SYNE1: variants seen among roughly 807,000 people sequenced by gnomAD.
SYNE1 encodes the protein nesprin-1.
In SYNE1, 616 loss-of-function variants were observed where a neutral mutation model predicts 1,111.0. The ratio of observed to expected loss-of-function variants is 0.55; its 90% CI spans 0.52 to 0.59. SYNE1 has a LOEUF of 0.59. Among genes scored for constraint, SYNE1 ranks in the 20% least tolerant of loss-of-function variants. The pLI is 0.00. For missense variants in SYNE1, 10,006 were observed against 10,417.0 expected, an observed-to-expected ratio of 0.96 and a Z score of 1.72; for synonymous variants, 3,855 against 3,825.8, an observed-to-expected ratio of 1.01 and a Z score of -0.28.
intron 14 of SYNE1, among the ~76,000 whole-genome samples, chr6:152,476,495 G>A (rs531941930): frequency 6.6e-6 from 1 of 152,066 alleles, no homozygotes; most frequent in African/African-American, 2.4e-5. Flanking sequence ...TGATGGAAAT[G>A]GTACCCTGGC....
At chr6:152,335,668 A>C (rs573740956) in intron 76 of SYNE1, 14 of 152,232 alleles carry the variant, frequency 9.2e-5, no homozygotes, top group African/African-American at 3.1e-4. Context: ...ACTTCCAATT[A>C]AGTTAATACA....
chr6:152,415,356 G>A (rs1359215717), intron 41 of SYNE1, among the ~76,000 whole-genome samples: 2 of 152,116 alleles, frequency 1.3e-5, no homozygotes, highest in Non-Finnish European at 2.9e-5. Context: ...ACAGTTAAAA[G>A]CAGTTGTAGA....
At chr6:152,528,859 G>A (rs141901050) in intron 4 of SYNE1, among the ~76,000 whole-genome samples, 129 of 152,278 alleles carry the variant, frequency 8.5e-4, no homozygotes, top group Middle Eastern at 6.8e-3. Flanking sequence ...TAATAAATAT[G>A]AATTACATTT....
At chr6:152,159,809 C>G (rs1563109731) in intron 131 of SYNE1, among the ~76,000 whole-genome samples, 1 of 152,094 alleles carries the variant, frequency 6.6e-6, no homozygotes, top group Non-Finnish European at 1.5e-5. Flanking sequence ...TTCTCTATTT[C>G]TAAGTAACAT....
intron 128 of SYNE1, among the ~76,000 whole-genome samples, chr6:152,180,687 AG>A (rs1419977451): frequency 1.3e-5 from 2 of 152,170 alleles, no homozygotes; most frequent in Admixed American, 6.5e-5. Flanking sequence ...GAAAGAAAAA[AG>A]GAATAGAAAG....
chr6:152,529,347 C>T (rs1294453612), intron 4 of SYNE1, among the ~76,000 whole-genome samples: 1 of 152,088 alleles, frequency 6.6e-6, no homozygotes, highest in African/African-American at 2.4e-5. Context: ...CTTAAATTTT[C>T]ATTTCATACT....
rs150983931 is a variant in SYNE1 at position 152,364,831 on chromosome 6, C to T, written c.10145+16G>A. Reference sequence around the variant, plus strand: ...TAGTAATAGCTTCCCCAGTGCTTGGCTGTAGTTTCCCTCACCTTTTACAAC... The same window carrying T: ...TAGTAATAGCTTCCCCAGTGCTTGGTTGTAGTTTCCCTCACCTTTTACAAC... On this transcript the variant is annotated intron_variant, in intron 63 of 145. Coordinates refer to ENST00000367255, the MANE Select transcript of SYNE1 (RefSeq NM_182961.4). 6.9e-4 allele frequency: 1,114 copies of T among 1,614,120 alleles called. 10 individuals are homozygous for T. The East Asian group carries it at 0.017, about 24-fold the overall frequency.
intron 53 of SYNE1, 92 bp from the exon 54 acceptor site, chr6:152,387,473 T>C: frequency 7.8e-7 from 1 of 1,287,686 alleles, no homozygotes; most frequent in Non-Finnish European, 1.1e-6. Context: ...TGCCAATTGT[T>C]TTATTGAATG....
At chr6:152,618,808 A>G (rs1220064369) in intron 3 of SYNE1, among the ~76,000 whole-genome samples, 1 of 152,208 alleles carries the variant, frequency 6.6e-6, no homozygotes, top group Non-Finnish European at 1.5e-5. Context: ...CTTCTTTGAG[A>G]TGTTTCCATG....
chr6:152,162,801 TTTGA>T (rs2062799938), intron 131 of SYNE1, among the ~76,000 whole-genome samples: 1 of 152,148 alleles, frequency 6.6e-6, no homozygotes, highest in African/African-American at 2.4e-5. Context: ...CCTCAGTTTG[TTTGA>T]TTATTACACT....
chr6:152,508,370 C>G (rs2099069035), intron 8 of SYNE1, among the ~76,000 whole-genome samples: 1 of 152,176 alleles, frequency 6.6e-6, no homozygotes, highest in Non-Finnish European at 1.5e-5. Flanking sequence ...AGTAAAACTT[C>G]CACTGATGTT....
chr6:152,248,437 T>C (rs143441921), intron 105 of SYNE1, among the ~76,000 whole-genome samples: 1 of 148,042 alleles, frequency 6.8e-6, no homozygotes, highest in African/African-American at 2.5e-5. Context: ...TAAAAATACA[T>C]ACACTTATGC....
At chr6:152,604,952 G>T (rs1342980250) in intron 3 of SYNE1, among the ~76,000 whole-genome samples, 12 of 14,808 alleles carry the variant, frequency 8.1e-4, no homozygotes, top group African/African-American at 2.7e-3. Context: ...CACAAAGAAA[G>T]AAAGAAAGAA....
chr6:152,356,041 C>A (rs1341255204), intron 66 of SYNE1, among the ~76,000 whole-genome samples: 1 of 151,856 alleles, frequency 6.6e-6, no homozygotes, highest in Non-Finnish European at 1.5e-5. Flanking sequence ...AAACTTTATT[C>A]TAAAATTCTT....
At chr6:152,299,791 G>A (rs2095076702) in intron 93 of SYNE1, among the ~76,000 whole-genome samples, 1 of 151,900 alleles carries the variant, frequency 6.6e-6, no homozygotes, top group African/African-American at 2.4e-5. Flanking sequence ...TTATAATACA[G>A]GTTATAAAAC....
rs1197672641 is a variant in SYNE1 at position 152,353,644 on chromosome 6, C to T, written c.11027G>A (p.Gly3676Asp). ...LDESHVNSRM[G>D]CQATQLTSRY... ...GGAAGTCAGCTGGGTGGCCTGGCAA[C>T]CCATTCTGCTGTTCACGTGGCTCTC... Residue 3676 changes from glycine to aspartate, a missense_variant, in exon 68 of 146, where the codon GGT becomes GAT. Coordinates refer to ENST00000367255, the MANE Select transcript of SYNE1 (RefSeq NM_182961.4). 3.1e-6 allele frequency: 5 copies of T among 1,614,196 alleles called. No homozygotes were observed. Among genetic ancestry groups the T allele is most frequent in the Middle Eastern group, 1.6e-4 (1 of 6,062 alleles).
Position 152,352,310 on chromosome 6 carries a change from G to C in SYNE1, c.11297C>G (p.Ser3766Ter). ...DMEKGHSLLK[S>*]AREKGERAVK... is the part of the protein sequence containing the mutation. ...AGCCCTCTCTCCTTTCTCCCGGGCT[G>C]ATTTCAGCAAACTGTGACCTTTCTC... The change falls in exon 70 of 146, where the codon TCA (serine) becomes TGA (stop). Residue 3766 changes from serine to a stop codon, truncating the protein, a stop_gained. Coordinates refer to ENST00000367255, the MANE Select transcript of SYNE1 (RefSeq NM_182961.4). LOFTEE classifies it high-confidence loss of function. 6.2e-7 allele frequency: 1 copy of C among 1,614,068 alleles called. No individual in the cohort carries two copies. The highest frequency in any genetic ancestry group is 8.5e-7 in the Non-Finnish European group (1 of 1,180,030).
chr6:152,589,797 C>T lies in SYNE1; in HGVS notation c.67+38468G>A, dbSNP rs1394306345. 2.0e-5 allele frequency among the ~76,000 whole-genome samples: 3 copies of T among 152,098 alleles called. No homozygotes were observed. The East Asian group carries it at 5.8e-4, about 29-fold the overall frequency. On this transcript the variant is annotated intron_variant, in intron 3 of 145. Coordinates refer to ENST00000367255, the MANE Select transcript of SYNE1 (RefSeq NM_182961.4). Reference sequence around the variant, plus strand: ...AAATGAAACTACTACTTTAGCAAACCTTAGCTGGATCCATTTTTTCAATAC... The same window carrying T: ...AAATGAAACTACTACTTTAGCAAACTTTAGCTGGATCCATTTTTTCAATAC...
Position 152,145,795 on chromosome 6 carries a change from C to T in SYNE1, c.24977-2030G>A, listed in dbSNP as rs190766035. On this transcript the variant is annotated intron_variant, in intron 137 of 145. Transcript: ENST00000367255. ...ATCCCAGCACTTTGGGAGGCCAAGGCGGGTGGATCACCTGAGGTCAGGAAT... is the reference window on the plus strand; with the variant it reads ...ATCCCAGCACTTTGGGAGGCCAAGGTGGGTGGATCACCTGAGGTCAGGAAT... The T allele has an allele frequency of 2.3e-3, 1,011 of 444,576 alleles. 2 individuals carry two copies. Among genetic ancestry groups the T allele is most frequent in the Admixed American group, 4.6e-3 (143 of 31,116 alleles). 27.5% of individuals were successfully genotyped at this position (444,576 alleles called of 1,614,324 possible).
Sources: allele counts gnomAD v4.1 joint callset (sites outside exome capture counted in the v4.1 genomes callset), GRCh38; gene constraint gnomAD v4.1.1; transcripts MANE v1.5; gene names NCBI Gene and HGNC (gene_info 2026-07-23, HGNC 2026-07-21).